The following CNTN5 variants were observed in gnomAD, a reference collection of about 807,000 sequenced individuals.
CNTN5 encodes the protein contactin 5.
A neutral mutation model predicts 129.1 loss-of-function variants in CNTN5; 77 were observed. The observed-to-expected ratio is 0.60, with a 90% confidence interval of 0.50 to 0.72. The LOEUF (loss-of-function observed/expected upper bound fraction) is 0.72, where lower values mean the gene tolerates loss of function less well. CNTN5 is among the 30% of genes least tolerant of loss of function. The pLI is 0.00. For synonymous variants in CNTN5, 509 were observed against 465.6 expected (o/e 1.09, Z -1.20); for missense variants, 1,478 against 1,328.8 (o/e 1.11, Z -1.75).
intron 2 of CNTN5, among the ~76,000 whole-genome samples, chr11:99,384,462 G>A (rs1414060932): frequency 6.6e-6 from 1 of 152,134 alleles, no homozygotes; most frequent in East Asian, 1.9e-4. Context: ...AATGTACTTA[G>A]GTGAATTTCA....
At chr11:99,765,246 T>A (rs1447437135) in intron 3 of CNTN5, among the ~76,000 whole-genome samples, 4 of 151,950 alleles carry the variant, frequency 2.6e-5, no homozygotes, top group Non-Finnish European at 5.9e-5. Context: ...TAAAAATAAT[T>A]GGGATTAAAG....
At chr11:99,743,524 A>C (rs1943950010) in intron 3 of CNTN5, among the ~76,000 whole-genome samples, 1 of 152,148 alleles carries the variant, frequency 6.6e-6, no homozygotes, top group African/African-American at 2.4e-5. Flanking sequence ...TATAAATTGC[A>C]ATTACATGAA....
intron 13 of CNTN5, among the ~76,000 whole-genome samples, chr11:100,099,540 C>T (rs982377758): frequency 1.3e-5 from 2 of 152,046 alleles, no homozygotes; most frequent in African/African-American, 2.4e-5. Context: ...AAGTACTGTA[C>T]ATCACAAGGG....
At chr11:99,693,951 A>G (rs951808648) in intron 3 of CNTN5, among the ~76,000 whole-genome samples, 4 of 152,100 alleles carry the variant, frequency 2.6e-5, no homozygotes, top group Non-Finnish European at 5.9e-5. Context: ...AGGAAGTCTG[A>G]GCTGATACAT....
intron 9 of CNTN5, among the ~76,000 whole-genome samples, chr11:100,010,283 C>T (rs567707279): frequency 6.6e-6 from 1 of 152,034 alleles, no homozygotes; most frequent in African/African-American, 2.4e-5. Context: ...TATGGAAAGT[C>T]AGTAACTACA....
At chr11:99,579,268 C>T (rs535975579) in intron 3 of CNTN5, among the ~76,000 whole-genome samples, 1 of 151,146 alleles carries the variant, frequency 6.6e-6, no homozygotes, top group Non-Finnish European at 1.5e-5. Context: ...TAGCGTGATG[C>T]CTCCAGCTTT....
At chr11:100,071,642 A>G (rs1049248214) in intron 11 of CNTN5, 63 bp from the exon 12 acceptor site, 56 of 1,303,316 alleles carry the variant, frequency 4.3e-5, no homozygotes, top group Non-Finnish European at 5.3e-5. Context: ...CTAGGAGAGA[A>G]TACCCATAAA....
chr11:99,319,626 A>T (rs1267960803), intron 1 of CNTN5, among the ~76,000 whole-genome samples: 5 of 152,236 alleles, frequency 3.3e-5, no homozygotes, highest in African/African-American at 1.2e-4. Context: ...GACTCAATAA[A>T]AATTATATAC....
At chr11:99,512,758 A>G (rs1232084315) in intron 2 of CNTN5, among the ~76,000 whole-genome samples, 6 of 152,082 alleles carry the variant, frequency 3.9e-5, no homozygotes, top group African/African-American at 1.4e-4. Flanking sequence ...AAGAGGGTGA[A>G]CATAACTGAT....
At chr11:99,225,479 G>A (rs913816282) in intron 1 of CNTN5, among the ~76,000 whole-genome samples, 2 of 151,976 alleles carry the variant, frequency 1.3e-5, no homozygotes, top group East Asian at 1.9e-4. Context: ...TCAGTAGATG[G>A]GCTTTGCTTA....
At chr11:100,081,974 C>T (rs1488948180) in intron 13 of CNTN5, among the ~76,000 whole-genome samples, 1 of 152,086 alleles carries the variant, frequency 6.6e-6, no homozygotes, top group African/African-American at 2.4e-5. Flanking sequence ...CAAAAATAGG[C>T]CTATAGACAT....
chr11:99,963,705 G>C (rs142642879), intron 8 of CNTN5, among the ~76,000 whole-genome samples: 1 of 152,132 alleles, frequency 6.6e-6, no homozygotes, highest in African/African-American at 2.4e-5. Flanking sequence ...AAAGTAATTA[G>C]TAGCTTGATG....
At chr11:99,678,145 T>C (rs1591466431) in intron 3 of CNTN5, among the ~76,000 whole-genome samples, 1 of 152,210 alleles carries the variant, frequency 6.6e-6, no homozygotes, top group Non-Finnish European at 1.5e-5. Context: ...GTTATATCAC[T>C]ACACACACAC....
intron 4 of CNTN5, among the ~76,000 whole-genome samples, chr11:99,823,818 T>G (rs541853461): frequency 6.6e-6 from 1 of 152,246 alleles, no homozygotes; most frequent in African/African-American, 2.4e-5. Flanking sequence ...GAGGAATTAC[T>G]ATACTTATTT....
intron 1 of CNTN5, among the ~76,000 whole-genome samples, chr11:99,128,378 G>C (rs545679615): frequency 1.3e-5 from 2 of 152,158 alleles, no homozygotes; most frequent in Non-Finnish European, 2.9e-5. Context: ...GGCAGATCAC[G>C]GCCAGACTGC....
At chr11:100,090,074 A>C (rs569961734) in intron 13 of CNTN5, among the ~76,000 whole-genome samples, 2 of 152,264 alleles carry the variant, frequency 1.3e-5, no homozygotes, top group African/African-American at 4.8e-5. Flanking sequence ...TATGTGATTC[A>C]CCACAAAAAC....
At chr11:99,391,680 T>C (rs1224759993) in intron 2 of CNTN5, among the ~76,000 whole-genome samples, 1 of 152,144 alleles carries the variant, frequency 6.6e-6, no homozygotes, top group African/African-American at 2.4e-5. Context: ...CAGTTTTATG[T>C]TGAATTGAGA....
chr11:99,569,302 ATTAT>A lies in CNTN5; in HGVS notation c.55+13056_55+13059del, dbSNP rs148620617. 1.3e-3 allele frequency among the ~76,000 whole-genome samples: 196 copies of A among 150,238 alleles called. 5 individuals are homozygous for A. In the East Asian group the frequency reaches 0.034, roughly 26 times the overall value. Reference sequence around the variant, plus strand: ...TATGGGATAACTGTTTTTTATTTTTATTATTTATTTATTTATTTATTTATTTTTT... The same window carrying A: ...TATGGGATAACTGTTTTTTATTTTTATTATTTATTTATTTATTTATTTTTT... On this transcript the variant is annotated intron_variant, in intron 3 of 24. Transcript: ENST00000524871.
chr11:99,115,237 G>A (rs868629246), intron 1 of CNTN5, among the ~76,000 whole-genome samples: 3 of 152,084 alleles, frequency 2.0e-5, no homozygotes, highest in Non-Finnish European at 2.9e-5. Flanking sequence ...CCTGCAATTA[G>A]TCAACTACTT....
Sources: gnomAD v4.1 joint callset for allele counts (sites outside exome capture counted in the v4.1 genomes callset) on GRCh38, gnomAD v4.1.1 for gene constraint, MANE v1.5 for transcripts, NCBI Gene and HGNC (gene_info 2026-07-23, HGNC 2026-07-21) for gene names.